Variants in EEIG2 observed in about 807,000 individuals in gnomAD.
The protein encoded by EEIG2 is family with sequence similarity 102 member B.
the EEIG2 span, among the ~76,000 whole-genome samples, chr1:108,629,234 A>G: frequency 3.3e-5 from 5 of 152,198 alleles, no homozygotes; most frequent in African/African-American, 1.2e-4. Context: ...TATGCCACCA[A>G]TTTGAAAGGT....
At chr1:108,622,058 G>A in the EEIG2 span, among the ~76,000 whole-genome samples, 1 of 152,210 alleles carries the variant, frequency 6.6e-6, no homozygotes, top group Non-Finnish European at 1.5e-5. Flanking sequence ...TCAGGAGGCT[G>A]AGGCAGGAGA....
At chr1:108,623,145 T>C in the EEIG2 span, among the ~76,000 whole-genome samples, 1 of 151,932 alleles carries the variant, frequency 6.6e-6, no homozygotes, top group African/African-American at 2.4e-5. Context: ...CCCAATGGGA[T>C]CACTAGTCAA....
the EEIG2 span, among the ~76,000 whole-genome samples, chr1:108,587,783 C>T: frequency 2.6e-5 from 4 of 152,220 alleles, no homozygotes; most frequent in Middle Eastern, 3.4e-3. Context: ...GTCTTTCCTT[C>T]AATTAATCTA....
At chr1:108,612,346 A>G in the EEIG2 span, 3 of 1,212,048 alleles carry the variant, frequency 2.5e-6, no homozygotes, top group African/African-American at 3.0e-5. Flanking sequence ...CTGCCTTTAA[A>G]TAAGCGTATG....
chr1:108,586,315 GT>G, the EEIG2 span, among the ~76,000 whole-genome samples: 32 of 478 alleles, frequency 0.067, no homozygotes, highest in Non-Finnish European at 0.16. Flanking sequence ...ACGCAGAGGG[GT>G]GTGTGTGTGT....
the EEIG2 span, among the ~76,000 whole-genome samples, chr1:108,603,678 G>A: frequency 1.3e-5 from 2 of 152,150 alleles, no homozygotes; most frequent in Non-Finnish European, 2.9e-5. Flanking sequence ...GAGACCCATG[G>A]AAGATACAGA....
chr1:108,626,872 C>T, the EEIG2 span: 6 of 152,314 alleles, frequency 3.9e-5, no homozygotes, highest in African/African-American at 1.2e-4. Flanking sequence ...TCCTATACGT[C>T]GCTCAAGTCC....
chr1:108,580,954 T>C, the EEIG2 span, among the ~76,000 whole-genome samples: 3 of 152,186 alleles, frequency 2.0e-5, no homozygotes, highest in African/African-American at 7.2e-5. Flanking sequence ...CTAAGACTTT[T>C]GTAGCTAGAG....
At chr1:108,628,469 A>G in the EEIG2 span, 2 of 1,614,046 alleles carry the variant, frequency 1.2e-6, no homozygotes, top group African/African-American at 1.3e-5. Flanking sequence ...AGTGGGAAGC[A>G]CATCAACAGG....
the EEIG2 span, among the ~76,000 whole-genome samples, chr1:108,581,148 T>C: frequency 9.6e-3 from 1,460 of 152,268 alleles, 23 homozygotes; most frequent in African/African-American, 0.033. Flanking sequence ...AAAGCCTGGA[T>C]GACAGCACAT....
the EEIG2 span, chr1:108,560,442 A>G: frequency 6.2e-7 from 1 of 1,611,540 alleles, no homozygotes; most frequent in Non-Finnish European, 8.5e-7. Context: ...ATGAAGAAGA[A>G]GAAGTTTAAG....
At chr1:108,598,790 T>C in the EEIG2 span, among the ~76,000 whole-genome samples, 1 of 151,284 alleles carries the variant, frequency 6.6e-6, no homozygotes. Context: ...TTATGTTTGC[T>C]TTTTTTTTAT....
At chr1:108,612,356 G>A in the EEIG2 span, 5 of 1,086,726 alleles carry the variant, frequency 4.6e-6, no homozygotes, top group South Asian at 7.0e-5. Flanking sequence ...ATAAGCGTAT[G>A]TATATATTGT....
the EEIG2 span, chr1:108,560,382 G>T: frequency 6.8e-7 from 1 of 1,480,094 alleles, no homozygotes. Flanking sequence ...AAGCTGAGGC[G>T]GCGGCGCCCG....
chr1:108,571,605 T>A, the EEIG2 span, among the ~76,000 whole-genome samples: 75 of 152,274 alleles, frequency 4.9e-4, no homozygotes, highest in African/African-American at 1.7e-3. Context: ...AAAGGTATAA[T>A]TTGAACTGAC....
chr1:108,613,088 AACCCTC>A, the EEIG2 span, among the ~76,000 whole-genome samples: 1 of 152,230 alleles, frequency 6.6e-6, no homozygotes, highest in East Asian at 1.9e-4. Context: ...TGGTTTTTGT[AACCCTC>A]ACACAAATTT....
At chr1:108,584,000 G>C in the EEIG2 span, among the ~76,000 whole-genome samples, 1 of 152,090 alleles carries the variant, frequency 6.6e-6, no homozygotes, top group African/African-American at 2.4e-5. Context: ...TGTTTATTTG[G>C]CAATCAGCAA....
chr1:108,591,797 G>A, the EEIG2 span, among the ~76,000 whole-genome samples: 250 of 152,288 alleles, frequency 1.6e-3, no homozygotes, highest in African/African-American at 5.8e-3. Flanking sequence ...AACTAGATGC[G>A]TTAGAATTAA....
At chr1:108,586,429 C>CT in the EEIG2 span, among the ~76,000 whole-genome samples, 20 of 151,892 alleles carry the variant, frequency 1.3e-4, no homozygotes, top group Non-Finnish European at 2.4e-4. Context: ...TTGTACCTAA[C>CT]TATAAAACAT....
Sources: allele counts gnomAD v4.1 joint callset (sites outside exome capture counted in the v4.1 genomes callset), GRCh38; gene constraint gnomAD v4.1.1; transcripts MANE v1.5; gene names NCBI Gene and HGNC (gene_info 2026-07-23, HGNC 2026-07-21).